DLG2: variants seen among roughly 807,000 people sequenced by gnomAD.
DLG2 encodes the protein discs large MAGUK scaffold protein 2.
DLG2 carries 45 observed loss-of-function variants against 132.5 expected under a neutral mutation model. The observed-to-expected ratio is 0.34, with a 90% CI of 0.27 to 0.44. DLG2 has a LOEUF of 0.44. Among genes scored for constraint, DLG2 ranks in the 20% least tolerant of loss-of-function variants. The probability of loss-of-function intolerance (pLI) is 1.00; values close to 1 mark genes in which losing one functional copy is unlikely to be tolerated. For synonymous variants in DLG2, 424 were observed against 419.6 expected, an observed-to-expected ratio of 1.01 and a Z score of -0.13; for missense variants, 1,045 against 1,196.9, an observed-to-expected ratio of 0.87 and a Z score of 1.87.
chr11:85,381,150 G>C (rs1235217548), intron 3 of DLG2, among the ~76,000 whole-genome samples: 1 of 152,210 alleles, frequency 6.6e-6, no homozygotes, highest in Non-Finnish European at 1.5e-5. Context: ...AGAGAGCACA[G>C]CCATGCACTT....
At position 83,587,285 on chromosome 11, in the gene DLG2, A is replaced by T. The variant is rs868032782; in HGVS notation, c.1941-45427T>A. The stretch of plus-strand genomic sequence containing the variant: ...GAATTTGCTACTTTTTTTTTTTTTA[A>T]TTTGAGACAGGGTCTTGCTCTGTCA... On this transcript the variant is annotated intron_variant, in intron 19 of 27. Coordinates refer to ENST00000376104, the MANE Select transcript of DLG2 (RefSeq NM_001142699.3). Among the ~76,000 whole-genome samples, 58 of 149,272 alleles carry T rather than the reference A, an allele frequency of 3.9e-4. 1 individual carries two copies. Among genetic ancestry groups the T allele is most frequent in the African/African-American group, 1.1e-3 (44 of 40,604 alleles).
intron 7 of DLG2, among the ~76,000 whole-genome samples, chr11:84,374,387 C>T (rs1321859544): frequency 1.3e-5 from 2 of 152,214 alleles, no homozygotes; most frequent in African/African-American, 2.4e-5. Flanking sequence ...TTGTTCAACT[C>T]GCAGCCCACA....
intron 11 of DLG2, among the ~76,000 whole-genome samples, chr11:84,001,977 C>T: frequency 6.6e-6 from 1 of 151,986 alleles, no homozygotes. Flanking sequence ...CAATAAACAT[C>T]ATAAACAATC....
chr11:84,347,625 G>A (rs571454537), intron 7 of DLG2, among the ~76,000 whole-genome samples: 4 of 152,252 alleles, frequency 2.6e-5, no homozygotes, highest in South Asian at 4.1e-4. Flanking sequence ...CTGTGGTCAT[G>A]ACAAATAAAA....
intron 7 of DLG2, among the ~76,000 whole-genome samples, chr11:84,393,231 C>T (rs11828808): frequency 0.056 from 8,480 of 152,008 alleles, 766 homozygotes; most frequent in African/African-American, 0.19. Flanking sequence ...TGAAGAAAAA[C>T]TTGTATAGCA....
chr11:85,474,430 T>C (rs1389498140), intron 3 of DLG2, among the ~76,000 whole-genome samples: 1 of 151,982 alleles, frequency 6.6e-6, no homozygotes, highest in Admixed American at 6.5e-5. Flanking sequence ...CATGGTGAGC[T>C]TTTAAAATAT....
intron 4 of DLG2, among the ~76,000 whole-genome samples, chr11:85,244,419 C>A (rs1028712152): frequency 5.3e-5 from 8 of 151,810 alleles, no homozygotes; most frequent in Non-Finnish European, 1.0e-4. Context: ...CAATGATATA[C>A]GAGGGAAGTG....
chr11:83,599,712 C>T (rs368500070), intron 19 of DLG2, among the ~76,000 whole-genome samples: 2 of 152,160 alleles, frequency 1.3e-5, no homozygotes, highest in Admixed American at 6.5e-5. Context: ...AAGCCCCAAC[C>T]ACAGGGCAGG....
At chr11:85,127,030 G>C (rs892522419) in intron 5 of DLG2, among the ~76,000 whole-genome samples, 6 of 152,054 alleles carry the variant, frequency 3.9e-5, no homozygotes, top group African/African-American at 1.2e-4. Flanking sequence ...AAGAAGTCTG[G>C]GCAAGCTGGG....
intron 6 of DLG2, among the ~76,000 whole-genome samples, chr11:85,032,309 A>G (rs1028910630): frequency 2.0e-5 from 3 of 152,170 alleles, no homozygotes; most frequent in African/African-American, 7.2e-5. Context: ...TCCATGTTTT[A>G]TGAAGTTGAA....
At chr11:84,797,472 G>C (rs1208522483) in intron 6 of DLG2, among the ~76,000 whole-genome samples, 1 of 152,086 alleles carries the variant, frequency 6.6e-6, no homozygotes, top group Non-Finnish European at 1.5e-5. Context: ...TCAAGCTCAC[G>C]ATTTCTTTCT....
chr11:85,319,744 T>A (rs1169523684), intron 3 of DLG2, among the ~76,000 whole-genome samples: 1 of 151,824 alleles, frequency 6.6e-6, no homozygotes, highest in Admixed American at 6.6e-5. Context: ...CATTAACATA[T>A]TCAACACAGT....
intron 14 of DLG2, among the ~76,000 whole-genome samples, chr11:83,957,323 G>T (rs2087135443): frequency 6.6e-6 from 1 of 152,148 alleles, no homozygotes; most frequent in Admixed American, 6.5e-5. Context: ...GTTCCTGAAA[G>T]ACTACTCCAT....
chr11:85,341,035 ATTC>A (rs1243165600), intron 3 of DLG2, among the ~76,000 whole-genome samples: 1 of 152,282 alleles, frequency 6.6e-6, no homozygotes, highest in African/African-American at 2.4e-5. Context: ...ACTTGACTGA[ATTC>A]TTTTCTTGTT....
At chr11:85,056,943 TAAAG>T (rs1362678706) in intron 6 of DLG2, among the ~76,000 whole-genome samples, 1 of 151,712 alleles carries the variant, frequency 6.6e-6, no homozygotes, top group African/African-American at 2.4e-5. Flanking sequence ...TAAAAAATAC[TAAAG>T]AGAGTACTTC....
At chr11:84,001,632 G>T (rs777359144) in intron 11 of DLG2, among the ~76,000 whole-genome samples, 3 of 152,084 alleles carry the variant, frequency 2.0e-5, no homozygotes, top group Admixed American at 2.0e-4. Context: ...TCACATGACT[G>T]CAGAATACAT....
chr11:85,598,799 T>C lies in DLG2; in HGVS notation c.-92-11A>G. 1 of 776,668 alleles carries C rather than the reference T, an allele frequency of 1.3e-6. No individual in the cohort carries two copies. Among genetic ancestry groups the C allele is most frequent in the South Asian group, 2.6e-5 (1 of 38,206 alleles). The allele number at this position is 776,668 out of a possible 1,614,324, so 48.1% of individuals were successfully genotyped here. ...AAGCTCGGTCAGTATCTGAAAAACA[T>C]GATATTATTATTATATTTTATGGTC... On this transcript the variant is annotated splice_polypyrimidine_tract_variant and intron_variant, in intron 2 of 27. Coordinates refer to ENST00000376104, the MANE Select transcript of DLG2 (RefSeq NM_001142699.3).
chr11:85,289,306 T>C (rs558104214), intron 3 of DLG2, among the ~76,000 whole-genome samples: 110 of 152,230 alleles, frequency 7.2e-4, no homozygotes, highest in African/African-American at 2.6e-3. Context: ...TCATTCCCAC[T>C]GCCAGAGTTC....
At chr11:85,204,072 C>G (rs909278745) in intron 4 of DLG2, among the ~76,000 whole-genome samples, 2 of 152,050 alleles carry the variant, frequency 1.3e-5, no homozygotes, top group Non-Finnish European at 2.9e-5. Context: ...AAACCGACAG[C>G]TAACAACATA....
Sources: gnomAD v4.1 joint callset for allele counts (sites outside exome capture counted in the v4.1 genomes callset) on GRCh38, gnomAD v4.1.1 for gene constraint, MANE v1.5 for transcripts, NCBI Gene and HGNC (gene_info 2026-07-23, HGNC 2026-07-21) for gene names.